Variants in CUL5 observed in about 807,000 individuals in gnomAD.
CUL5 encodes cullin 5.
A neutral mutation model predicts 108.8 loss-of-function variants in CUL5; 26 were observed. That is an observed-to-expected ratio of 0.24 (90% CI 0.18 to 0.33). The LOEUF is 0.33. Among genes scored for constraint, CUL5 ranks in the 10% least tolerant of loss-of-function variants. The pLI, the probability that CUL5 is intolerant of heterozygous loss-of-function variation, is 1.00. For synonymous variants in CUL5, 334 were observed against 298.0 expected (o/e 1.12, Z -1.25); for missense variants, 524 against 909.2 (o/e 0.58, Z 5.45).
chr11:108,061,417 T>C (rs1168902325), intron 7 of CUL5, among the ~76,000 whole-genome samples: 1 of 152,164 alleles, frequency 6.6e-6, no homozygotes, highest in Non-Finnish European at 1.5e-5. Context: ...TTCTGGAGGA[T>C]TTTTTAATAT....
intron 1 of CUL5, among the ~76,000 whole-genome samples, chr11:108,015,428 T>A (rs7121568): frequency 0.25 from 38,787 of 152,142 alleles, 5,469 homozygotes; most frequent in African/African-American, 0.36. Flanking sequence ...AGAGAATTCT[T>A]TTTAATATGT....
intron 1 of CUL5, 122 bp from the exon 2 acceptor site, chr11:108,033,680 T>C: frequency 1.6e-6 from 1 of 626,186 alleles, no homozygotes; most frequent in Non-Finnish European, 2.8e-6. Flanking sequence ...GATTCCATTA[T>C]GGAAAACTGG....
At chr11:108,048,648 CTTTTTTTTT>C (rs200991204) in intron 3 of CUL5, among the ~76,000 whole-genome samples, 13 of 116,860 alleles carry the variant, frequency 1.1e-4, no homozygotes, top group African/African-American at 2.3e-4. Context: ...ACTCCACCAC[CTTTTTTTTT>C]TTTTTTTTTT....
In CUL5 at chr11:108,009,213, C is replaced by G. The variant is rs1396898311; in HGVS notation, c.-136C>G. 12 of 862,980 alleles carry G rather than the reference C, an allele frequency of 1.4e-5. No individual in the cohort carries two copies. Among genetic ancestry groups the G allele is most frequent in the East Asian group, 2.6e-5 (1 of 38,868 alleles). 53.5% of individuals were successfully genotyped at this position (862,980 alleles called of 1,614,324 possible). On this transcript the variant is annotated 5_prime_UTR_variant, in exon 1 of 19. Coordinates refer to ENST00000393094, the MANE Select transcript of CUL5 (RefSeq NM_003478.6). ...GGACGAGGTCAGCGCTGTCGGCGCG[C>G]TGCTCCAGCGCCCACCACACCCTGG...
chr11:108,052,251 C>G (rs138088543), intron 4 of CUL5, among the ~76,000 whole-genome samples: 2,107 of 152,208 alleles, frequency 0.014, 46 homozygotes, highest in African/African-American at 0.048. Flanking sequence ...GATTAGACCA[C>G]ACGCAGTCGA....
intron 18 of CUL5, among the ~76,000 whole-genome samples, chr11:108,100,602 A>G (rs965100519): frequency 5.3e-5 from 8 of 152,208 alleles, no homozygotes; most frequent in African/African-American, 1.9e-4. Flanking sequence ...AAGAATTTAT[A>G]CAATAAAGGA....
chr11:108,062,404 AT>A (rs1459372285), intron 7 of CUL5, among the ~76,000 whole-genome samples: 3 of 152,026 alleles, frequency 2.0e-5, no homozygotes, highest in Non-Finnish European at 2.9e-5. Flanking sequence ...GTTTATCCAT[AT>A]CGTTGCTGAT....
At chr11:108,035,574 TAA>T (rs35833167) in intron 2 of CUL5, among the ~76,000 whole-genome samples, 71 of 141,496 alleles carry the variant, frequency 5.0e-4, no homozygotes, top group Middle Eastern at 3.5e-3. Flanking sequence ...CCCTGTCTCT[TAA>T]AAAAAAAAAA....
chr11:108,033,890 A>C lies in CUL5; in HGVS notation c.113A>C (p.Gln38Pro). ...TTACGCCAGGAATCTGTTACAAAACAGCAGTGGTTTGATCTGTTTTCGTAA... is the reference window on the plus strand; with the variant it reads ...TTACGCCAGGAATCTGTTACAAAACCGCAGTGGTTTGATCTGTTTTCGTAA... ...KLLRQESVTK[Q>P]QWFDLFSDVH... Residue 38 changes from glutamine (Q) to proline (P), a missense_variant, in exon 2 of 19, where the codon CAG becomes CCG. Gln to Pro is a moderately conservative substitution (Grantham distance 76). Transcript: ENST00000393094. 1 of 1,612,054 alleles carries C rather than the reference A, an allele frequency of 6.2e-7. No homozygotes were observed. Among genetic ancestry groups the C allele is most frequent in the East Asian group, 2.2e-5 (1 of 44,844 alleles).
intron 1 of CUL5, among the ~76,000 whole-genome samples, chr11:108,018,373 ATACTC>A (rs1183828749): frequency 6.6e-6 from 1 of 152,216 alleles, no homozygotes; most frequent in African/African-American, 2.4e-5. Flanking sequence ...AAGATTAAAA[ATACTC>A]AGAAAAGGCT....
At chr11:108,033,717 C>T (rs1565238106) in intron 1 of CUL5, 85 bp from the exon 2 acceptor site, 1 of 786,088 alleles carries the variant, frequency 1.3e-6, no homozygotes, top group Non-Finnish European at 2.1e-6. Context: ...CCCTTCATTT[C>T]TCTAGCTGTC....
chr11:108,073,203 A>G (rs1467066010), intron 9 of CUL5, among the ~76,000 whole-genome samples, 187 bp from the exon 10 acceptor site: 8 of 148,590 alleles, frequency 5.4e-5, no homozygotes, highest in African/African-American at 1.9e-4. Flanking sequence ...CTCCGTCTCA[A>G]AAAAAAAAAA....
In CUL5 at chr11:108,089,290, T is replaced by G. The variant is rs563690472; in HGVS notation, c.1312-202T>G. Among the ~76,000 whole-genome samples, 9 of 152,330 alleles carry G rather than the reference T, an allele frequency of 5.9e-5. No individual in the cohort carries two copies. In the South Asian group the frequency reaches 1.2e-3, roughly 21 times the overall value. On this transcript the variant is annotated intron_variant, in intron 12 of 18. Coordinates refer to ENST00000393094, the MANE Select transcript of CUL5 (RefSeq NM_003478.6). ...CTGATATTTAGACCGACTAACAATT[T>G]GGTTATAGTCTCAGTTTTGCTAACC...
chr11:108,107,572 A>G lies in CUL5; in HGVS notation c.*3188A>G, dbSNP rs1192167939. 6.6e-6 allele frequency: 1 copy of G among 152,640 alleles called. No individual in the cohort carries two copies. Among genetic ancestry groups the G allele is most frequent in the Non-Finnish European group, 1.5e-5 (1 of 68,026 alleles). The allele number at this position is 152,640 out of a possible 1,614,324, so 9.5% of individuals were successfully genotyped here. On this transcript the variant is annotated 3_prime_UTR_variant, in exon 19 of 19. Transcript: ENST00000393094. ...TATTTTAGTTTCTAAGTTGTAATCT[A>G]TCCTCATATGGTCTATACGATTTTG...
At chr11:108,095,259 C>A (rs553374612) in intron 15 of CUL5, among the ~76,000 whole-genome samples, 1 of 152,262 alleles carries the variant, frequency 6.6e-6, no homozygotes, top group Non-Finnish European at 1.5e-5. Flanking sequence ...GTAGCTTACA[C>A]CTTTCATTAG....
At chr11:108,081,130 T>G (rs1420574943) in intron 11 of CUL5, among the ~76,000 whole-genome samples, 2 of 151,826 alleles carry the variant, frequency 1.3e-5, no homozygotes, top group Non-Finnish European at 2.9e-5. Context: ...CTACTAAAAA[T>G]ACAACAAATT....
Position 108,095,514 on chromosome 11 carries a change from GTT to G in CUL5, c.1744-13_1744-12del. ...TCATGAGATTCTTTATTAAAAATCT[GTT>G]TTATCTATTATAGATAACATTTAAG... On this transcript the variant is annotated splice_polypyrimidine_tract_variant and intron_variant, in intron 15 of 18. Coordinates refer to ENST00000393094, the MANE Select transcript of CUL5 (RefSeq NM_003478.6). 2 of 1,494,922 alleles carry G rather than the reference GTT, an allele frequency of 1.3e-6. No individual in the cohort carries two copies. Among genetic ancestry groups the G allele is most frequent in the Non-Finnish European group, 1.8e-6 (2 of 1,091,972 alleles). 92.6% of individuals were successfully genotyped at this position (1,494,922 alleles called of 1,614,324 possible). A position where few individuals can be genotyped will look rare whatever the true frequency, so the allele number is the denominator to read the frequency against.
At chr11:108,038,086 G>A (rs192457852) in intron 2 of CUL5, among the ~76,000 whole-genome samples, 60 of 152,234 alleles carry the variant, frequency 3.9e-4, no homozygotes, top group African/African-American at 1.4e-3. Flanking sequence ...TTGCCTTTGG[G>A]AAATTAAAGT....
chr11:108,015,953 T>TC (rs1250027195), intron 1 of CUL5, among the ~76,000 whole-genome samples: 4 of 152,098 alleles, frequency 2.6e-5, no homozygotes, highest in Non-Finnish European at 4.4e-5. Context: ...AGAGGAGGTC[T>TC]CACTCTCACA....
Sources: gnomAD v4.1 joint callset for allele counts (sites outside exome capture counted in the v4.1 genomes callset) on GRCh38, gnomAD v4.1.1 for gene constraint, MANE v1.5 for transcripts, NCBI Gene and HGNC (gene_info 2026-07-23, HGNC 2026-07-21) for gene names.